Variants in GPR179 observed in about 807,000 individuals in gnomAD.
GPR179 encodes G protein-coupled receptor 179.
GPR179 carries 52 observed loss-of-function variants against 70.8 expected under a neutral mutation model. The ratio of observed to expected loss-of-function variants is 0.73; its 90% CI spans 0.59 to 0.93. The LOEUF is 0.93. GPR179 is among the 40% of genes least tolerant of loss of function. The pLI, the probability that GPR179 is intolerant of heterozygous loss-of-function variation, is 0.00. For synonymous variants in GPR179, 1,123 were observed against 1,169.0 expected (o/e 0.96, Z 0.80); for missense variants, 2,734 against 2,966.8 (o/e 0.92, Z 1.82).
In GPR179 at chr17:38,324,964, G is replaced by C. The variant is rs538358234; in HGVS notation, c.*1501C>G. Among the ~76,000 whole-genome samples the C allele has an allele frequency of 2.0e-5, 3 of 151,886 alleles. No homozygotes were observed. Among genetic ancestry groups the C allele is most frequent in the African/African-American group, 7.3e-5 (3 of 41,348 alleles). On this transcript the variant is annotated 3_prime_UTR_variant, in exon 11 of 11. Transcript: ENST00000616987. ...ATGTTAATGGCTCTTTTTCCCTTTGGGTATTTGGTCTCCCTGTTTGTCTTT... is the reference window on the plus strand; with the variant it reads ...ATGTTAATGGCTCTTTTTCCCTTTGCGTATTTGGTCTCCCTGTTTGTCTTT...
intron 4 of GPR179, 100 bp downstream of exon 4, chr17:38,336,878 G>T: frequency 8.0e-7 from 1 of 1,255,806 alleles, no homozygotes; most frequent in Non-Finnish European, 1.1e-6. Context: ...TTAGAATCAA[G>T]ATTAGAACCA....
Position 38,333,385 on chromosome 17 carries a change from C to A in GPR179, c.1903G>T (p.Gly635Trp). ...ACCATCTCCTCCCGGGGAGGAGCCCCCAGCTTCCAGAACTGGCAGGGGTGC... is the reference window on the plus strand; with the variant it reads ...ACCATCTCCTCCCGGGGAGGAGCCCACAGCTTCCAGAACTGGCAGGGGTGC... ...LIFIPKFWKL[G>W]APPREEMVDE... is the part of the protein sequence containing the mutation. Residue 635 changes from glycine (G) to tryptophan (W), a missense_variant, in exon 10 of 11, where the codon GGG (glycine) becomes TGG (tryptophan). Coordinates refer to ENST00000616987, the MANE Select transcript of GPR179 (RefSeq NM_001004334.4). 1 of 1,613,724 alleles carries A rather than the reference C, an allele frequency of 6.2e-7. No individual in the cohort carries two copies. The highest frequency in any genetic ancestry group is 8.5e-7 in the Non-Finnish European group (1 of 1,179,808).
rs2037344807 is a variant in GPR179 at position 38,330,569 on chromosome 17, C to CT, written c.2999_3000insA (p.Pro1001AlafsTer46). ...GGGGCACATTTTCTTGCTTGGCTGG[C>CT]AGTTCTGCGTTCTCCCAGGGGCAGA... On this transcript the variant is annotated frameshift_variant, in exon 11 of 11. Coordinates refer to ENST00000616987, the MANE Select transcript of GPR179 (RefSeq NM_001004334.4). LOFTEE classifies it low-confidence loss of function (END_TRUNC). 11 of 1,572,904 alleles carry CT rather than the reference C, an allele frequency of 7.0e-6. No individual in the cohort carries two copies. Among genetic ancestry groups the CT allele is most frequent in the Non-Finnish European group, 9.5e-6 (11 of 1,161,982 alleles).
Position 38,329,908 on chromosome 17 carries a change from C to T in GPR179, c.3661G>A (p.Gly1221Arg), listed in dbSNP as rs368195290. 28 of 1,614,106 alleles carry T rather than the reference C, an allele frequency of 1.7e-5. No homozygotes were observed. The highest frequency in any genetic ancestry group is 2.7e-5 in the African/African-American group (2 of 74,940). The part of the protein sequence containing the change: ...NIKQSKETPV[G>R]WQELPKAGLQ... Reference sequence around the variant, plus strand: ...CCAGCTTTGGGCAGTTCCTGCCACCCGACAGGGGTTTCTTTTGATTGCTTG... The same window carrying T: ...CCAGCTTTGGGCAGTTCCTGCCACCTGACAGGGGTTTCTTTTGATTGCTTG... The change falls in exon 11 of 11, where the codon GGG becomes AGG. Residue 1221 changes from glycine (G) to arginine (R), a missense_variant. Coordinates refer to ENST00000616987, the MANE Select transcript of GPR179 (RefSeq NM_001004334.4).
rs2037309577 is a variant in GPR179, at chr17:38,328,191, T to A, written c.5378A>T (p.His1793Leu). Residue 1793 changes from histidine to leucine, a missense_variant, in exon 11 of 11, where the codon CAT becomes CTT. Transcript: ENST00000616987. ...GPKAGFQELD[H>L]MGCRPGEVCP... ...CACTTCACCTGGCCTGCAGCCCATATGATCCAGTTCCTGGAACCCAGCTTT... is the reference window on the plus strand; with the variant it reads ...CACTTCACCTGGCCTGCAGCCCATAAGATCCAGTTCCTGGAACCCAGCTTT... 3.7e-6 allele frequency: 6 copies of A among 1,612,942 alleles called. No individual in the cohort carries two copies. Among genetic ancestry groups the A allele is most frequent in the Non-Finnish European group, 5.1e-6 (6 of 1,179,844 alleles).
chr17:38,334,983 G>A lies in GPR179; in HGVS notation c.1645+50C>T. 1.3e-6 allele frequency: 2 copies of A among 1,579,310 alleles called. No homozygotes were observed. The highest frequency in any genetic ancestry group is 8.7e-7 in the Non-Finnish European group (1 of 1,152,438). ...AACCAGAACAAGAGGAACCCTGGAGGCACAGAGGCAGGGACCAGCGTAAGG... is the reference window on the plus strand; with the variant it reads ...AACCAGAACAAGAGGAACCCTGGAGACACAGAGGCAGGGACCAGCGTAAGG... On this transcript the variant is annotated intron_variant, in intron 7 of 10. Coordinates refer to ENST00000616987, the MANE Select transcript of GPR179 (RefSeq NM_001004334.4). This position sits in a 1 kb window ranked among gnomAD's most constrained non-coding sequence, Gnocchi z 4.7.
intron 6 of GPR179, 41 bp downstream of exon 6, chr17:38,335,550 G>T: frequency 3.6e-6 from 5 of 1,396,896 alleles, no homozygotes; most frequent in Non-Finnish European, 5.1e-6. Context: ...GGGGTGGTCT[G>T]GGATGAGCAG....
chr17:38,331,158 C>T lies in GPR179; in HGVS notation c.2411G>A (p.Arg804Gln), dbSNP rs759690179. ...GGCAGGGGGCCCCTCCACCGACTCC[C>T]GGCTCTCTGTTCGAGAGGCCTTCTT... ...LAKKASRTES[R>Q]ESVEGPPALG... Residue 804 changes from arginine (R) to glutamine (Q), a missense_variant, in exon 11 of 11, where the codon CGG becomes CAG. Coordinates refer to ENST00000616987, the MANE Select transcript of GPR179 (RefSeq NM_001004334.4). 1.8e-5 allele frequency: 29 copies of T among 1,607,428 alleles called. No individual in the cohort carries two copies. Among genetic ancestry groups the T allele is most frequent in the Admixed American group, 6.7e-5 (4 of 59,772 alleles).
Position 38,343,022 on chromosome 17 carries a change from G to C in GPR179, c.768C>G (p.Leu256=). The C allele has an allele frequency of 6.2e-7, 1 of 1,611,358 alleles. No individual in the cohort carries two copies. The highest frequency in any genetic ancestry group is 8.5e-7 in the Non-Finnish European group (1 of 1,178,470). Residue 256 remains leucine (L), a synonymous_variant, in exon 1 of 11, where the codon CTC becomes CTG. Coordinates refer to ENST00000616987, the MANE Select transcript of GPR179 (RefSeq NM_001004334.4). This position sits in a 1 kb window ranked among gnomAD's most constrained non-coding sequence, Gnocchi z 4.2. ...LITLSATFYG[L]KPDLSPEVRG... ...TGACTTCTGGGCTGAGGTCTGGCTT[G>C]AGTCCATAGAAGGTGGCAGAGAGTG...
In GPR179 at chr17:38,326,605, T is replaced by C. The variant is rs2144253505; in HGVS notation, c.6964A>G (p.Thr2322Ala). 6.2e-7 allele frequency: 1 copy of C among 1,614,188 alleles called. No homozygotes were observed. Among genetic ancestry groups the C allele is most frequent in the Non-Finnish European group, 8.5e-7 (1 of 1,180,032 alleles). Residue 2322 changes from threonine (T) to alanine (A), a missense_variant, in exon 11 of 11, where the codon ACC (threonine) becomes GCC (alanine). By Grantham distance (58) the Thr-to-Ala change is moderately conservative (BLOSUM62 0). Coordinates refer to ENST00000616987, the MANE Select transcript of GPR179 (RefSeq NM_001004334.4). Reference protein sequence around the residue: ...LQGPSGLEPRTSLAPEPSLQE... With the variant: ...LQGPSGLEPRASLAPEPSLQE... ...AGACTTGGCTCTGGGGCTAAGCTGGTCCTTGGCTCAAGCCCTGAAGGTCCT... is the reference window on the plus strand; with the variant it reads ...AGACTTGGCTCTGGGGCTAAGCTGGCCCTTGGCTCAAGCCCTGAAGGTCCT...
At position 38,343,034 on chromosome 17, in the gene GPR179, G is replaced by A; in HGVS notation, c.756C>T (p.Thr252=). The A allele has an allele frequency of 6.2e-7, 1 of 1,613,130 alleles. No homozygotes were observed. Among genetic ancestry groups the A allele is most frequent in the South Asian group, 1.1e-5 (1 of 90,920 alleles). ...TGAGGTCTGGCTTGAGTCCATAGAA[G>A]GTGGCAGAGAGTGTGATCAGCCATC... ...RPGWLITLSA[T]FYGLKPDLSP... is the part of the protein sequence containing the mutation. Residue 252 remains threonine (T), a synonymous_variant, in exon 1 of 11, where the codon ACC becomes ACT. Transcript: ENST00000616987. The surrounding 1 kb of genome is among the most constrained non-coding windows in gnomAD (Gnocchi z 4.2).
At position 38,337,120 on chromosome 17, in the gene GPR179, C is replaced by T. The variant is rs1198598507; in HGVS notation, c.1085G>A (p.Gly362Asp). ...RLLQCLPCPE[G>D]CTSCMDATPC... ...TGTGGCATCCATGCAGCTGGTGCAG[C>T]CCTCAGGACATGGCAGACACTGCAG... The change falls in exon 4 of 11, where the codon GGC becomes GAC. Residue 362 changes from glycine (G) to aspartate (D), a missense_variant. By Grantham distance (94) the Gly-to-Asp change is moderately conservative (BLOSUM62 -1). Transcript: ENST00000616987. The T allele has an allele frequency of 1.9e-6, 3 of 1,612,406 alleles. No homozygotes were observed. The highest frequency in any genetic ancestry group is 2.5e-6 in the Non-Finnish European group (3 of 1,179,448).
In GPR179 at chr17:38,333,251, C is replaced by A; in HGVS notation, c.2037G>T (p.Arg679=). Residue 679 remains arginine (R), a splice_region_variant and synonymous_variant, in exon 10 of 11, where the codon CGG becomes CGT. Transcript: ENST00000616987. ...SEHSLDPGDI[R]DELKKLYAQL... ...AGGAGGCAGGGAGGGTGGCACATAC[C>A]CGAATGTCTCCAGGGTCCAGGCTGT... 2 of 1,613,636 alleles carry A rather than the reference C, an allele frequency of 1.2e-6. No homozygotes were observed. Among genetic ancestry groups the A allele is most frequent in the Non-Finnish European group, 1.7e-6 (2 of 1,179,696 alleles).
In GPR179 at chr17:38,331,078, T is replaced by C. The variant is rs766435783; in HGVS notation, c.2491A>G (p.Arg831Gly). 4 of 1,599,758 alleles carry C rather than the reference T, an allele frequency of 2.5e-6. No individual in the cohort carries two copies. Among genetic ancestry groups the C allele is most frequent in the Non-Finnish European group, 3.4e-6 (4 of 1,178,926 alleles). ...TTCTGCAGAGAGGCGGGCCGGGCTCTGGGTAGCCTCTCTCCCACCGTCAGG... is the reference window on the plus strand; with the variant it reads ...TTCTGCAGAGAGGCGGGCCGGGCTCCGGGTAGCCTCTCTCCCACCGTCAGG... ...HNLTVGERLPRARPASLQKSL... is the reference protein window; with the variant it reads ...HNLTVGERLPGARPASLQKSL... Residue 831 changes from arginine (R) to glycine (G), a missense_variant, in exon 11 of 11, where the codon AGA (arginine) becomes GGA (glycine). Physicochemically the swap from Arg to Gly is moderately radical, Grantham distance 125. Transcript: ENST00000616987.
chr17:38,343,857 C>G lies in GPR179; in HGVS notation c.-68G>C, dbSNP rs2037474769. On this transcript the variant is annotated 5_prime_UTR_variant, in exon 1 of 11. Coordinates refer to ENST00000616987, the MANE Select transcript of GPR179 (RefSeq NM_001004334.4). This position sits in a 1 kb window ranked among gnomAD's most constrained non-coding sequence, Gnocchi z 4.2. ...AGCCCAGGCAGAGGCTGGCTGCAGT[C>G]TGGGGGCTGTCGGCCTCCACGCCTC... is the stretch of plus-strand genomic sequence containing the variant. 1 of 1,337,434 alleles carries G rather than the reference C, an allele frequency of 7.5e-7. No individual in the cohort carries two copies. The highest frequency in any genetic ancestry group is 2.8e-5 in the Admixed American group (1 of 35,430). 82.8% of individuals were successfully genotyped at this position (1,337,434 alleles called of 1,614,324 possible). A position where few individuals can be genotyped will look rare whatever the true frequency, so the allele number is the denominator to read the frequency against.
In GPR179 at chr17:38,330,052, T is replaced by G. The variant is rs2037337327; in HGVS notation, c.3517A>C (p.Ser1173Arg). 6.2e-7 allele frequency: 1 copy of G among 1,614,128 alleles called. No individual in the cohort carries two copies. Among genetic ancestry groups the G allele is most frequent in the Non-Finnish European group, 8.5e-7 (1 of 1,180,040 alleles). ...CTGCCTCTGTCTTCTTGTTCCCTGC[T>G]GCCCTCCCGTTGACAGACTTGGAGC... ...RMLQVCQREG[S>R]REQEDRGRRM... is the part of the protein sequence containing the mutation. The change falls in exon 11 of 11, where the codon AGC becomes CGC. Residue 1173 changes from serine to arginine, a missense_variant. By Grantham distance (110) the Ser-to-Arg change is moderately radical. Coordinates refer to ENST00000616987, the MANE Select transcript of GPR179 (RefSeq NM_001004334.4).
In GPR179 at chr17:38,337,662, G is replaced by GGCTATTC; in HGVS notation, c.961_962insGAATAGC (p.Pro321ArgfsTer18). On this transcript the variant is annotated frameshift_variant, in exon 3 of 11. Coordinates refer to ENST00000616987, the MANE Select transcript of GPR179 (RefSeq NM_001004334.4). LOFTEE classifies it high-confidence loss of function. ...AGAGGGGCTTGCCCCGTAGAATCCA[G>GGCTATTC]GTCGGCAGCGGCAGAGGTAGCGGCC... 1 of 1,598,630 alleles carries GGCTATTC rather than the reference G, an allele frequency of 6.3e-7. No individual in the cohort carries two copies. Among genetic ancestry groups the GGCTATTC allele is most frequent in the Non-Finnish European group, 8.5e-7 (1 of 1,173,010 alleles).
rs2144268092 is a variant in GPR179, at chr17:38,333,979, G to A, written c.1844C>T (p.Thr615Ile). The A allele has an allele frequency of 6.2e-7, 1 of 1,613,958 alleles. No homozygotes were observed. Among genetic ancestry groups the A allele is most frequent in the Non-Finnish European group, 8.5e-7 (1 of 1,179,922 alleles). ...DWTLLLFFFH[T>I]HSTVTTTLAL... ...CAGCGTGGTGGTGACTGTGCTGTGG[G>A]TGTGGAAGAAGAAGAGGAGGAGGGT... The change falls in exon 9 of 11, where the codon ACC (threonine) becomes ATC (isoleucine). Residue 615 changes from threonine to isoleucine, a missense_variant. By Grantham distance (89) the Thr-to-Ile change is moderately conservative. Transcript: ENST00000616987.
intron 10 of GPR179, among the ~76,000 whole-genome samples, 185 bp downstream of exon 10, chr17:38,333,066 G>GGT (rs1373877371): frequency 6.6e-6 from 1 of 152,222 alleles, no homozygotes; most frequent in Non-Finnish European, 1.5e-5. Context: ...TTCCCACTTG[G>GGT]GTGTGTGTGG....
Sources: gnomAD v4.1 joint callset for allele counts (sites outside exome capture counted in the v4.1 genomes callset) on GRCh38, gnomAD v4.1.1 for gene constraint, Gnocchi (gnomAD v3.1) non-coding constraint, MANE v1.5 for transcripts, NCBI Gene and HGNC (gene_info 2026-07-23, HGNC 2026-07-21) for gene names.